Variants in DMD observed in about 807,000 individuals in gnomAD.
DMD encodes the protein dystrophin, also known as mutant dystrophin.
DMD carries 63 observed loss-of-function variants against 330.1 expected under a neutral mutation model. The observed-to-expected ratio is 0.19, with a 90% confidence interval of 0.16 to 0.24. The LOEUF (loss-of-function observed/expected upper bound fraction) is 0.24, where lower values mean the gene tolerates loss of function less well. Among genes scored for constraint, DMD ranks in the 10% least tolerant of loss-of-function variants. DMD has a pLI of 1.00. For synonymous variants in DMD, 1,223 were observed against 959.8 expected, an observed-to-expected ratio of 1.27 and a Z score of -5.07; for missense variants, 3,344 against 2,684.1, an observed-to-expected ratio of 1.25 and a Z score of -5.43.
intron 55 of DMD, among the ~76,000 whole-genome samples, chrX:31,615,001 T>A (rs1296956881): frequency 8.9e-6 from 1 of 111,865 alleles, no homozygotes. Context: ...TTTTATCCCC[T>A]CAATTTACAC....
At chrX:32,414,521 T>C (rs1186037782) in intron 29 of DMD, among the ~76,000 whole-genome samples, 3 of 112,224 alleles carry the variant, frequency 2.7e-5, no homozygotes, top group Non-Finnish European at 3.8e-5. Context: ...CTTTAGACTA[T>C]CAACTCTAAT....
chrX:32,928,140 C>T (rs898497751), intron 2 of DMD, among the ~76,000 whole-genome samples: 3 of 110,446 alleles, frequency 2.7e-5, no homozygotes, highest in African/African-American at 9.9e-5. Context: ...ATTAGAAATG[C>T]TGGCATGTTT....
At chrX:32,234,256 C>A (rs751780603) in intron 43 of DMD, among the ~76,000 whole-genome samples, 2 of 111,983 alleles carry the variant, frequency 1.8e-5, no homozygotes, top group East Asian at 5.6e-4. Flanking sequence ...TTATTTATTG[C>A]CTATCAGTTT....
intron 4 of DMD, among the ~76,000 whole-genome samples, chrX:32,835,953 T>A (rs1722793440): frequency 1.8e-5 from 2 of 111,258 alleles, no homozygotes; most frequent in Non-Finnish European, 3.8e-5. Flanking sequence ...GTTTATAGAA[T>A]TAGGAGGCTG....
At chrX:32,741,806 G>T (rs1159810910) in intron 7 of DMD, among the ~76,000 whole-genome samples, 2 of 111,565 alleles carry the variant, frequency 1.8e-5, no homozygotes, top group African/African-American at 6.5e-5. Context: ...TGATTGTATG[G>T]CATATAAATT....
chrX:31,670,503 T>A (rs993067272), intron 53 of DMD, among the ~76,000 whole-genome samples: 1 of 111,972 alleles, frequency 8.9e-6, no homozygotes, highest in Non-Finnish European at 1.9e-5. Flanking sequence ...GTGTCACAAT[T>A]TGCGTAGCTG....
At chrX:31,990,181 T>C (rs2095540541) in intron 44 of DMD, among the ~76,000 whole-genome samples, 2 of 112,594 alleles carry the variant, frequency 1.8e-5, no homozygotes, top group South Asian at 7.3e-4. Context: ...GAAAATATAC[T>C]GCAAGAAACT....
At chrX:32,766,766 C>A (rs1483790310) in intron 7 of DMD, among the ~76,000 whole-genome samples, 1 of 111,504 alleles carries the variant, frequency 9.0e-6, no homozygotes, top group Non-Finnish European at 1.9e-5. Context: ...AGAGAGTACA[C>A]TTCAAATGTT....
At chrX:32,382,806 T>A (rs974502688) in intron 33 of DMD, among the ~76,000 whole-genome samples, 2 of 110,756 alleles carry the variant, frequency 1.8e-5, no homozygotes, top group African/African-American at 6.5e-5. Context: ...CCAGAGCTAA[T>A]GCAGTATTGA....
chrX:31,530,671 A>ATTTT (rs1176859928), intron 55 of DMD, among the ~76,000 whole-genome samples: 27 of 55,890 alleles, frequency 4.8e-4, no homozygotes, highest in East Asian at 1.2e-3. Context: ...TTTTTTTTTA[A>ATTTT]TTTTTTTTTT....
At chrX:31,283,959 T>C (rs1393747015) in intron 62 of DMD, among the ~76,000 whole-genome samples, 5 of 112,133 alleles carry the variant, frequency 4.5e-5, no homozygotes, top group Non-Finnish European at 9.4e-5. Flanking sequence ...AAACTCATCA[T>C]AAGTTGAAAA....
chrX:31,423,179 A>G (rs1716163086), intron 60 of DMD, among the ~76,000 whole-genome samples: 1 of 112,069 alleles, frequency 8.9e-6, no homozygotes, highest in African/African-American at 3.2e-5. Flanking sequence ...TTAGATTTTA[A>G]GAGACACCAT....
At chrX:31,496,507 T>C (rs1323179761) in intron 57 of DMD, among the ~76,000 whole-genome samples, 1 of 112,308 alleles carries the variant, frequency 8.9e-6, no homozygotes, top group Non-Finnish European at 1.9e-5. Flanking sequence ...AGTTTTATTA[T>C]AGCATTCTGT....
At chrX:32,194,462 T>C (rs956097189) in intron 44 of DMD, among the ~76,000 whole-genome samples, 1 of 112,085 alleles carries the variant, frequency 8.9e-6, no homozygotes, top group South Asian at 3.7e-4. Flanking sequence ...TCTATGACTT[T>C]TGGCTCAGCA....
At chrX:32,209,876 T>C (rs1381119375) in intron 44 of DMD, among the ~76,000 whole-genome samples, 2 of 111,869 alleles carry the variant, frequency 1.8e-5, no homozygotes, top group Admixed American at 9.6e-5. Flanking sequence ...AACAAGCCAC[T>C]GAAATTATCC....
intron 63 of DMD, among the ~76,000 whole-genome samples, chrX:31,256,095 A>T (rs1444520411): frequency 9.0e-6 from 1 of 110,893 alleles, no homozygotes; most frequent in East Asian, 2.8e-4. Flanking sequence ...TCACATTTTA[A>T]AGATAAAGCA....
intron 44 of DMD, among the ~76,000 whole-genome samples, chrX:32,101,069 C>T (rs767980262): frequency 8.9e-6 from 1 of 111,990 alleles, no homozygotes; most frequent in South Asian, 3.7e-4. Context: ...AACACTTCTG[C>T]ATGAATTATG....
chrX:32,261,821 T>C (rs2097324596), intron 43 of DMD, among the ~76,000 whole-genome samples: 1 of 111,664 alleles, frequency 9.0e-6, no homozygotes, highest in Non-Finnish European at 1.9e-5. Flanking sequence ...GTGATTTTTC[T>C]GGGAAATTTT....
intron 1 of DMD, among the ~76,000 whole-genome samples, chrX:33,108,881 A>AAG (rs2095316102): frequency 1.0e-5 from 1 of 99,689 alleles, no homozygotes; most frequent in African/African-American, 3.5e-5. Context: ...AAAAAAAAAA[A>AAG]AAGAAGAAGA....
Sources: gnomAD v4.1 joint callset for allele counts (sites outside exome capture counted in the v4.1 genomes callset) on GRCh38, gnomAD v4.1.1 for gene constraint, MANE v1.5 for transcripts, NCBI Gene and HGNC (gene_info 2026-07-23, HGNC 2026-07-21) for gene names.